Variants in RTN1 observed in about 807,000 individuals in gnomAD.
The protein encoded by RTN1 is reticulon-1.
In RTN1, 25 loss-of-function variants were observed where a neutral mutation model predicts 65.5. The ratio of observed to expected loss-of-function variants is 0.38; its 90% CI spans 0.28 to 0.53. The LOEUF is 0.53. Ranked by LOEUF, RTN1 falls within the 20% of genes least tolerant of loss-of-function variation. The pLI is 0.79. For missense variants in RTN1, 983 were observed against 1,025.4 expected, an observed-to-expected ratio of 0.96 and a Z score of 0.57; for synonymous variants, 471 against 447.6, an observed-to-expected ratio of 1.05 and a Z score of -0.66.
chr14:59,662,740 C>T (rs894963512), intron 3 of RTN1, among the ~76,000 whole-genome samples: 2 of 152,118 alleles, frequency 1.3e-5, no homozygotes, highest in Non-Finnish European at 2.9e-5. Context: ...AGGAGAACTA[C>T]AAACCACTGC....
chr14:59,618,977 G>A (rs868425428), intron 3 of RTN1, among the ~76,000 whole-genome samples: 6 of 152,316 alleles, frequency 3.9e-5, no homozygotes, highest in Admixed American at 2.6e-4. Flanking sequence ...ATGTTGTCTC[G>A]ATGCCAACAC....
At chr14:59,729,380 T>C (rs1175334231) in intron 2 of RTN1, among the ~76,000 whole-genome samples, 1 of 151,928 alleles carries the variant, frequency 6.6e-6, no homozygotes, top group Non-Finnish European at 1.5e-5. Context: ...ATCTATGGGT[T>C]CCCCCCCTTT....
At chr14:59,751,690 C>T (rs1885526287) in intron 1 of RTN1, among the ~76,000 whole-genome samples, 1 of 152,158 alleles carries the variant, frequency 6.6e-6, no homozygotes, top group African/African-American at 2.4e-5. Flanking sequence ...ACTCAATTCC[C>T]CCACTGCAAA....
intron 1 of RTN1, among the ~76,000 whole-genome samples, chr14:59,782,541 A>G (rs1236369199): frequency 6.6e-6 from 1 of 152,198 alleles, no homozygotes; most frequent in African/African-American, 2.4e-5. Context: ...ATAAAACTTC[A>G]CTGCACACAG....
In RTN1 at chr14:59,794,874, C is replaced by A. The variant is rs1886411984; in HGVS notation, c.242-48393G>T. On this transcript the variant is annotated intron_variant, in intron 1 of 8. Coordinates refer to ENST00000267484, the MANE Select transcript of RTN1 (RefSeq NM_021136.3). The surrounding 1 kb of genome is among the most constrained non-coding windows in gnomAD (Gnocchi z 5.1). ...AGATATGTCATTTTTATCTAGGTAT[C>A]CAAATGTCTAGCAAAAAAGTTTTTC... Among the ~76,000 whole-genome samples the A allele has an allele frequency of 6.6e-6, 1 of 152,006 alleles. No homozygotes were observed. The highest frequency in any genetic ancestry group is 1.5e-5 in the Non-Finnish European group (1 of 68,006).
At chr14:59,815,128 C>T (rs540094402) in intron 1 of RTN1, among the ~76,000 whole-genome samples, 1 of 152,200 alleles carries the variant, frequency 6.6e-6, no homozygotes, top group South Asian at 2.1e-4. Flanking sequence ...CCTATTTACT[C>T]TGAAAAATGA....
intron 1 of RTN1, among the ~76,000 whole-genome samples, chr14:59,795,732 C>A (rs1183283288): frequency 2.0e-5 from 3 of 152,108 alleles, no homozygotes; most frequent in Non-Finnish European, 4.4e-5. Context: ...ATATTTGGTA[C>A]ATATGTAGCA....
intron 1 of RTN1, among the ~76,000 whole-genome samples, chr14:59,862,559 C>T (rs1382515845): frequency 1.3e-5 from 2 of 152,220 alleles, no homozygotes; most frequent in Non-Finnish European, 2.9e-5. Flanking sequence ...CAATCCACTG[C>T]TTATGTCATC....
intron 3 of RTN1, among the ~76,000 whole-genome samples, chr14:59,651,353 G>T (rs1366439745): frequency 6.6e-6 from 1 of 152,034 alleles, no homozygotes; most frequent in Non-Finnish European, 1.5e-5. Flanking sequence ...ACTGAAACTG[G>T]ACCCCTTGCT....
chr14:59,618,461 C>T (rs113234018), intron 3 of RTN1, among the ~76,000 whole-genome samples: 13,373 of 152,236 alleles, frequency 0.088, 623 homozygotes, highest in Non-Finnish European at 0.1. Flanking sequence ...CCTGACCAAT[C>T]GGCACTCCTG....
intron 3 of RTN1, among the ~76,000 whole-genome samples, chr14:59,649,484 G>T (rs1882977199): frequency 6.6e-6 from 1 of 152,042 alleles, no homozygotes; most frequent in Non-Finnish European, 1.5e-5. Context: ...CTACAGAATG[G>T]GAGAAAATTT....
At position 59,816,700 on chromosome 14, in the gene RTN1, G is replaced by C. The variant is rs1349155529; in HGVS notation, c.241+53690C>G. On this transcript the variant is annotated intron_variant, in intron 1 of 8. Coordinates refer to ENST00000267484, the MANE Select transcript of RTN1 (RefSeq NM_021136.3). This position sits in a 1 kb window ranked among gnomAD's most constrained non-coding sequence, Gnocchi z 4.3. ...TGTAATCCCAGCACTTTAGGAGGCC[G>C]AGGCTGGCGAATCACTTGAGTCCAC... is the stretch of plus-strand genomic sequence containing the variant. 6.6e-6 allele frequency among the ~76,000 whole-genome samples: 1 copy of C among 152,120 alleles called. No individual in the cohort carries two copies. Among genetic ancestry groups the C allele is most frequent in the South Asian group, 2.1e-4 (1 of 4,818 alleles).
At chr14:59,652,723 T>C (rs1325471822) in intron 3 of RTN1, among the ~76,000 whole-genome samples, 1 of 152,134 alleles carries the variant, frequency 6.6e-6, no homozygotes, top group Non-Finnish European at 1.5e-5. Context: ...TATTGGGTAC[T>C]AGGCTTAGTA....
chr14:59,636,618 T>C (rs560746301), intron 3 of RTN1, among the ~76,000 whole-genome samples: 13 of 152,364 alleles, frequency 8.5e-5, no homozygotes, highest in African/African-American at 2.9e-4. Context: ...AATTTACTTA[T>C]TAATTCCGTT....
intron 3 of RTN1, among the ~76,000 whole-genome samples, chr14:59,715,556 T>C (rs574080521): frequency 1.8e-4 from 28 of 152,338 alleles, no homozygotes; most frequent in African/African-American, 6.5e-4. Flanking sequence ...CTGGGTGCTG[T>C]GGCTCACGCC....
intron 3 of RTN1, among the ~76,000 whole-genome samples, chr14:59,725,925 C>CA (rs1884748280): frequency 6.6e-6 from 1 of 152,214 alleles, no homozygotes. Flanking sequence ...GCAAAGAAAG[C>CA]ACTTCTAAAG....
intron 1 of RTN1, among the ~76,000 whole-genome samples, chr14:59,827,320 C>T (rs1392042224): frequency 2.0e-5 from 3 of 152,142 alleles, no homozygotes; most frequent in Non-Finnish European, 2.9e-5. Flanking sequence ...CCTCGTGATC[C>T]GCCGGCCTCG....
intron 1 of RTN1, among the ~76,000 whole-genome samples, chr14:59,802,182 AT>A (rs1428588243): frequency 6.6e-6 from 1 of 152,344 alleles, no homozygotes; most frequent in East Asian, 1.9e-4. Context: ...AAATAAAGTC[AT>A]AAAAATGTAA....
chr14:59,864,602 G>A (rs1887766595), intron 1 of RTN1, among the ~76,000 whole-genome samples: 1 of 151,378 alleles, frequency 6.6e-6, no homozygotes, highest in Admixed American at 6.6e-5. Flanking sequence ...GTCCTTTTCT[G>A]TACTATAATC....
Sources: gnomAD v4.1 joint callset for allele counts (sites outside exome capture counted in the v4.1 genomes callset) on GRCh38, gnomAD v4.1.1 for gene constraint, Gnocchi (gnomAD v3.1) non-coding constraint, MANE v1.5 for transcripts, NCBI Gene and HGNC (gene_info 2026-07-23, HGNC 2026-07-21) for gene names.